EXOC6B: variants seen among roughly 807,000 people sequenced by gnomAD.
The protein encoded by EXOC6B is exocyst complex component 6B.
In EXOC6B, 54 loss-of-function variants were observed where a neutral mutation model predicts 113.5. That is an observed-to-expected ratio of 0.48 (90% confidence interval 0.38 to 0.60). The LOEUF (loss-of-function observed/expected upper bound fraction) is 0.60. Among genes scored for constraint, EXOC6B ranks in the 20% least tolerant of loss-of-function variants. EXOC6B has a pLI of 0.00. For missense variants in EXOC6B, 797 were observed against 977.5 expected (o/e 0.82, Z 2.46); for synonymous variants, 357 against 339.0 (o/e 1.05, Z -0.58).
At chr2:72,671,851 A>G (rs534824873) in intron 6 of EXOC6B, among the ~76,000 whole-genome samples, 84 of 151,372 alleles carry the variant, frequency 5.5e-4, no homozygotes, top group African/African-American at 1.9e-3. Context: ...GAATGGAGGG[A>G]GGAAGAAGGA....
At chr2:72,229,382 C>G (rs1681465812) in intron 20 of EXOC6B, among the ~76,000 whole-genome samples, 5 of 152,150 alleles carry the variant, frequency 3.3e-5, no homozygotes, top group Admixed American at 3.3e-4. Context: ...TTAGAAAATT[C>G]AAGTTGCCTG....
At chr2:72,649,596 T>G (rs1674013557) in intron 6 of EXOC6B, among the ~76,000 whole-genome samples, 1 of 152,028 alleles carries the variant, frequency 6.6e-6, no homozygotes, top group African/African-American at 2.4e-5. Context: ...AAAATTTACA[T>G]GAAAATGTAA....
chr2:72,326,932 T>C (rs1472014169), intron 20 of EXOC6B, among the ~76,000 whole-genome samples: 1 of 151,892 alleles, frequency 6.6e-6, no homozygotes, highest in African/African-American at 2.4e-5. Context: ...AAAGCAACAA[T>C]GGAAACTCTT....
chr2:72,673,088 G>GA (rs944815608), intron 6 of EXOC6B, among the ~76,000 whole-genome samples: 9 of 151,870 alleles, frequency 5.9e-5, no homozygotes, highest in South Asian at 2.1e-4. Context: ...AAAATATTCA[G>GA]AAAAAACAAT....
intron 17 of EXOC6B, among the ~76,000 whole-genome samples, chr2:72,465,557 G>A (rs998432377): frequency 3.0e-4 from 46 of 152,116 alleles, no homozygotes; most frequent in Admixed American, 1.3e-4. Context: ...ATGCTAAAAT[G>A]AAAGCAGAAT....
intron 6 of EXOC6B, among the ~76,000 whole-genome samples, chr2:72,614,179 T>A (rs1326084306): frequency 6.6e-6 from 1 of 152,168 alleles, no homozygotes; most frequent in African/African-American, 2.4e-5. Context: ...AATTAGCGCC[T>A]CTGGCTTATG....
chr2:72,663,164 T>C (rs1675144614), intron 6 of EXOC6B, among the ~76,000 whole-genome samples: 4 of 152,216 alleles, frequency 2.6e-5, no homozygotes, highest in African/African-American at 9.6e-5. Flanking sequence ...CAACTTGTAA[T>C]ACATCCTTAC....
intron 15 of EXOC6B, among the ~76,000 whole-genome samples, chr2:72,493,208 C>T (rs1699841483): frequency 6.6e-6 from 1 of 151,924 alleles, no homozygotes; most frequent in Non-Finnish European, 1.5e-5. Flanking sequence ...GGAGTCTGTC[C>T]CCTTAGAGGG....
intron 6 of EXOC6B, among the ~76,000 whole-genome samples, chr2:72,634,514 A>T (rs1195481098): frequency 1.1e-4 from 17 of 152,204 alleles, no homozygotes; most frequent in Non-Finnish European, 1.5e-5. Context: ...TGGATTTTAC[A>T]CACCAACAGA....
At chr2:72,639,527 T>G (rs1021547932) in intron 6 of EXOC6B, among the ~76,000 whole-genome samples, 3 of 152,194 alleles carry the variant, frequency 2.0e-5, no homozygotes, top group Non-Finnish European at 4.4e-5. Flanking sequence ...CTTCCACTAC[T>G]GCTGCTGCTG....
At chr2:72,280,707 T>C (rs1347947799) in intron 20 of EXOC6B, among the ~76,000 whole-genome samples, 1 of 151,724 alleles carries the variant, frequency 6.6e-6, no homozygotes, top group Non-Finnish European at 1.5e-5. Context: ...CATCAGAGAG[T>C]TGCTGAGGCA....
chr2:72,678,753 C>T (rs6713143), intron 6 of EXOC6B, among the ~76,000 whole-genome samples: 32,230 of 152,048 alleles, frequency 0.21, 5,702 homozygotes, highest in African/African-American at 0.49. Context: ...CTAAAACACA[C>T]GCCACAACAG....
At chr2:72,738,973 C>T (rs1422814980) in intron 2 of EXOC6B, among the ~76,000 whole-genome samples, 7 of 152,248 alleles carry the variant, frequency 4.6e-5, no homozygotes, top group African/African-American at 1.4e-4. Context: ...TTCTTTAATG[C>T]TTATTTATTT....
intron 6 of EXOC6B, among the ~76,000 whole-genome samples, chr2:72,638,264 A>C (rs1224967239): frequency 1.3e-5 from 2 of 152,202 alleles, no homozygotes; most frequent in African/African-American, 4.8e-5. Flanking sequence ...AAAGACATGG[A>C]TACATTCCTA....
At chr2:72,635,224 T>C (rs984205230) in intron 6 of EXOC6B, among the ~76,000 whole-genome samples, 3 of 151,474 alleles carry the variant, frequency 2.0e-5, no homozygotes, top group Admixed American at 1.3e-4. Context: ...AAAACACAAA[T>C]CAATTAAATT....
intron 20 of EXOC6B, among the ~76,000 whole-genome samples, chr2:72,334,603 C>A (rs1558567124): frequency 6.6e-6 from 1 of 152,160 alleles, no homozygotes; most frequent in African/African-American, 2.4e-5. Context: ...TGCATCAGTG[C>A]ACCTGCTTAG....
intron 18 of EXOC6B, among the ~76,000 whole-genome samples, chr2:72,390,556 T>C (rs1051015588): frequency 8.5e-5 from 13 of 152,242 alleles, no homozygotes; most frequent in Non-Finnish European, 1.8e-4. Flanking sequence ...GGCTTTGTTA[T>C]TGCAAACAAT....
intron 20 of EXOC6B, among the ~76,000 whole-genome samples, chr2:72,220,088 G>A (rs1035690308): frequency 6.6e-6 from 1 of 152,158 alleles, no homozygotes; most frequent in South Asian, 2.1e-4. Context: ...ATTGTAAAGG[G>A]ATTTGGAAAT....
chr2:72,377,965 GA>G lies in EXOC6B; in HGVS notation c.2122+1763del, dbSNP rs11395477. Among the ~76,000 whole-genome samples, 4 of 148,264 alleles carry G rather than the reference GA, an allele frequency of 2.7e-5. No individual in the cohort carries two copies. The East Asian group carries it at 5.9e-4, about 22-fold the overall frequency. On this transcript the variant is annotated intron_variant, in intron 19 of 21. Coordinates refer to ENST00000272427, the MANE Select transcript of EXOC6B (RefSeq NM_015189.3). ...GTACATGATGAACATATACAATTAA[GA>G]AAAAAAAAACAGAGGAGCTCCTCCT...
Sources: gnomAD v4.1 joint callset for allele counts (sites outside exome capture counted in the v4.1 genomes callset) on GRCh38, gnomAD v4.1.1 for gene constraint, MANE v1.5 for transcripts, NCBI Gene and HGNC (gene_info 2026-07-23, HGNC 2026-07-21) for gene names.